The following COL8A1 variants were observed in gnomAD, a reference collection of about 807,000 sequenced individuals.
COL8A1 encodes collagen alpha-1(VIII) chain.
In COL8A1, 21 loss-of-function variants were observed where a neutral mutation model predicts 42.7. The ratio of observed to expected loss-of-function variants is 0.49; its 90% CI spans 0.35 to 0.71. The LOEUF (loss-of-function observed/expected upper bound fraction) is 0.71. Ranked by LOEUF, COL8A1 falls within the 30% of genes least tolerant of loss-of-function variation. The probability of loss-of-function intolerance (pLI) is 0.01; values close to 1 mark genes in which losing one functional copy is unlikely to be tolerated. For missense variants in COL8A1, 788 were observed against 962.4 expected (o/e 0.82, Z 2.40); for synonymous variants, 367 against 369.1 (o/e 0.99, Z 0.06).
intron 1 of COL8A1, among the ~76,000 whole-genome samples, chr3:99,704,200 T>C (rs1283197027): frequency 6.6e-6 from 1 of 152,194 alleles, no homozygotes; most frequent in Non-Finnish European, 1.5e-5. Flanking sequence ...GAATGATTTT[T>C]TTCTCGTTCA....
At chr3:99,673,604 G>A (rs1043010355) in intron 1 of COL8A1, among the ~76,000 whole-genome samples, 1 of 152,020 alleles carries the variant, frequency 6.6e-6, no homozygotes, top group African/African-American at 2.4e-5. Context: ...TTTTGGGGAG[G>A]AAATTCTTTT....
chr3:99,678,939 C>T (rs755828467), intron 1 of COL8A1: 30 of 151,988 alleles, frequency 2.0e-4, no homozygotes, highest in Non-Finnish European at 4.3e-4. Context: ...ATTAAATTGT[C>T]CTATATATTG....
intron 2 of COL8A1, among the ~76,000 whole-genome samples, chr3:99,757,838 G>C (rs932366438): frequency 6.6e-6 from 1 of 152,144 alleles, no homozygotes; most frequent in South Asian, 2.1e-4. Flanking sequence ...ATAGAATCTA[G>C]ACTGGATTTT....
chr3:99,712,279 C>T (rs548506298), intron 1 of COL8A1, among the ~76,000 whole-genome samples: 110 of 152,220 alleles, frequency 7.2e-4, no homozygotes, highest in African/African-American at 2.5e-3. Context: ...CTCTACCTCT[C>T]TAAGAAGATG....
At chr3:99,767,153 A>G (rs184892347) in intron 2 of COL8A1, among the ~76,000 whole-genome samples, 30 of 152,278 alleles carry the variant, frequency 2.0e-4, no homozygotes, top group Admixed American at 2.0e-4. Flanking sequence ...TCTTTTCCCT[A>G]TGAGTTTGAT....
chr3:99,649,444 C>T (rs1937767863), intron 1 of COL8A1, among the ~76,000 whole-genome samples: 1 of 152,084 alleles, frequency 6.6e-6, no homozygotes, highest in Non-Finnish European at 1.5e-5. Context: ...TTTAATTGTG[C>T]TACTCTCTGT....
chr3:99,641,855 G>A (rs1051777306), intron 1 of COL8A1, among the ~76,000 whole-genome samples: 2 of 152,126 alleles, frequency 1.3e-5, no homozygotes, highest in East Asian at 1.9e-4. Flanking sequence ...CTTGTGAAAG[G>A]TGCACTGGTC....
At chr3:99,776,808 TGGGAAA>T (rs1199613743) in intron 2 of COL8A1, among the ~76,000 whole-genome samples, 1 of 152,246 alleles carries the variant, frequency 6.6e-6, no homozygotes, top group Admixed American at 6.5e-5. Context: ...ATGAGTTTTC[TGGGAAA>T]GGGGTAGGCA....
At chr3:99,746,460 G>C (rs1360517120) in intron 2 of COL8A1, among the ~76,000 whole-genome samples, 1 of 152,134 alleles carries the variant, frequency 6.6e-6, no homozygotes, top group Non-Finnish European at 1.5e-5. Flanking sequence ...ACCAGTGATA[G>C]GCTCGGCTTC....
chr3:99,694,212 G>C (rs557812379), intron 1 of COL8A1, among the ~76,000 whole-genome samples: 1 of 152,302 alleles, frequency 6.6e-6, no homozygotes, highest in Admixed American at 6.5e-5. Context: ...GCTGGGTGCA[G>C]TGGCTCACAC....
At chr3:99,699,239 AT>A (rs1271202641) in intron 1 of COL8A1, among the ~76,000 whole-genome samples, 1 of 152,118 alleles carries the variant, frequency 6.6e-6, no homozygotes, top group Non-Finnish European at 1.5e-5. Context: ...TACTCCAGCC[AT>A]TTCTCTCTCA....
At chr3:99,687,275 C>T (rs1245266606) in intron 1 of COL8A1, among the ~76,000 whole-genome samples, 1 of 152,188 alleles carries the variant, frequency 6.6e-6, no homozygotes, top group Non-Finnish European at 1.5e-5. Context: ...TGACATTAGA[C>T]AAGTCACTGA....
At chr3:99,730,383 A>T (rs567657262) in intron 1 of COL8A1, among the ~76,000 whole-genome samples, 4 of 152,226 alleles carry the variant, frequency 2.6e-5, no homozygotes, top group Admixed American at 2.6e-4. Context: ...CATCTGAGAG[A>T]ATACTATATA....
intron 1 of COL8A1, among the ~76,000 whole-genome samples, chr3:99,693,980 C>A (rs1032446250): frequency 6.6e-6 from 1 of 152,172 alleles, no homozygotes; most frequent in African/African-American, 2.4e-5. Flanking sequence ...TACTGTGTTA[C>A]AATTGCCAAC....
chr3:99,644,550 G>A (rs1229519938), intron 1 of COL8A1, among the ~76,000 whole-genome samples: 1 of 152,180 alleles, frequency 6.6e-6, no homozygotes, highest in Non-Finnish European at 1.5e-5. Context: ...TCTGAAGCAT[G>A]CCTGACAATT....
At chr3:99,669,406 G>A (rs1459458088) in intron 1 of COL8A1, among the ~76,000 whole-genome samples, 1 of 151,864 alleles carries the variant, frequency 6.6e-6, no homozygotes, top group African/African-American at 2.4e-5. Context: ...AGCAGGGTCT[G>A]TAAATGCATT....
intron 1 of COL8A1, among the ~76,000 whole-genome samples, chr3:99,737,441 G>A (rs1178675017): frequency 1.3e-5 from 2 of 152,012 alleles, no homozygotes; most frequent in Non-Finnish European, 2.9e-5. Context: ...AAAATCTCCA[G>A]CATTTGCTTG....
chr3:99,657,760 C>G (rs559157816), intron 1 of COL8A1, among the ~76,000 whole-genome samples: 1 of 151,984 alleles, frequency 6.6e-6, no homozygotes, highest in Non-Finnish European at 1.5e-5. Context: ...AGACTTTACT[C>G]TTAATTGTTT....
At chr3:99,773,998 C>T (rs1013809671) in intron 2 of COL8A1, among the ~76,000 whole-genome samples, 10 of 150,036 alleles carry the variant, frequency 6.7e-5, no homozygotes, top group African/African-American at 1.7e-4. Context: ...GCGCCCACCA[C>T]CACGCCCAGC....
Sources: gnomAD v4.1 joint callset for allele counts (sites outside exome capture counted in the v4.1 genomes callset) on GRCh38, gnomAD v4.1.1 for gene constraint, MANE v1.5 for transcripts, NCBI Gene and HGNC (gene_info 2026-07-23, HGNC 2026-07-21) for gene names.